The following OTULIN variants were observed in gnomAD, a reference collection of about 807,000 sequenced individuals.
OTULIN encodes OTU deubiquitinase with linear linkage specificity.
A neutral mutation model predicts 39.6 loss-of-function variants in OTULIN; 15 were observed. The observed-to-expected ratio is 0.38, with a 90% confidence interval of 0.25 to 0.58. OTULIN has a LOEUF of 0.58. OTULIN is among the 20% of genes least tolerant of loss of function. The pLI, the probability that OTULIN is intolerant of heterozygous loss-of-function variation, is 0.66. For synonymous variants in OTULIN, 156 were observed against 170.3 expected (o/e 0.92, Z 0.65); for missense variants, 319 against 445.9 (o/e 0.72, Z 2.56).
In OTULIN at chr5:14,697,956, G is replaced by A. The variant is rs935412599; in HGVS notation, c.*4908G>A. 2 of 152,150 alleles carry A rather than the reference G, an allele frequency of 1.3e-5. No homozygotes were observed. The highest frequency in any genetic ancestry group is 4.8e-5 in the African/African-American group (2 of 41,426). The allele number at this position is 152,150 out of a possible 1,614,324, so 9.4% of individuals were successfully genotyped here. On this transcript the variant is annotated 3_prime_UTR_variant, in exon 7 of 7. Transcript: ENST00000284274. Reference sequence around the variant, plus strand: ...AGTTTTCATTTACATATTGAAAAATGCCTTGACTGTATTCACATAAATGGT... The same window carrying A: ...AGTTTTCATTTACATATTGAAAAATACCTTGACTGTATTCACATAAATGGT...
chr5:14,703,317 A>G (rs1375980677), downstream of OTULIN, among the ~76,000 whole-genome samples: 5 of 119,656 alleles, frequency 4.2e-5, no homozygotes, highest in African/African-American at 1.7e-4. Context: ...ATTACCTTTA[A>G]TAGTGTCAAA....
chr5:14,682,699 G>A (rs1165486058), intron 4 of OTULIN, among the ~76,000 whole-genome samples: 1 of 152,090 alleles, frequency 6.6e-6, no homozygotes, highest in Non-Finnish European at 1.5e-5. Flanking sequence ...TGATCACAAA[G>A]CCCTAGCTGC....
At chr5:14,667,654 C>T (rs1299179766) in intron 1 of OTULIN, among the ~76,000 whole-genome samples, 3 of 152,328 alleles carry the variant, frequency 2.0e-5, no homozygotes, top group South Asian at 2.1e-4. Flanking sequence ...GGATTACAGG[C>T]GTGAGCCACA....
At chr5:14,689,725 T>C (rs1023100786) in intron 5 of OTULIN, among the ~76,000 whole-genome samples, 1 of 152,204 alleles carries the variant, frequency 6.6e-6, no homozygotes, top group Non-Finnish European at 1.5e-5. Flanking sequence ...ACACATGTGT[T>C]AGCTCTTCCA....
At chr5:14,713,397 T>A in the OTULIN span, 1 of 1,212,860 alleles carries the variant, frequency 8.2e-7, no homozygotes, top group Non-Finnish European at 1.2e-6. The surrounding 1 kb of genome is among the most constrained non-coding windows in gnomAD (Gnocchi z 4.4). Context: ...CTCCACCTGG[T>A]GCCTGGGCAG....
chr5:14,713,531 C>G, the OTULIN span: 1 of 1,614,020 alleles, frequency 6.2e-7, no homozygotes, highest in East Asian at 2.2e-5. The surrounding 1 kb of genome is among the most constrained non-coding windows in gnomAD (Gnocchi z 4.4). Context: ...CCCCAAACTC[C>G]CTGACAACAT....
intron 4 of OTULIN, among the ~76,000 whole-genome samples, chr5:14,682,754 CA>C (rs1736287414): frequency 6.6e-6 from 1 of 151,902 alleles, no homozygotes; most frequent in African/African-American, 2.4e-5. Flanking sequence ...TGATATTAAG[CA>C]AAAAGACCAA....
chr5:14,702,471 G>A (rs1736815966), downstream of OTULIN, among the ~76,000 whole-genome samples: 1 of 152,204 alleles, frequency 6.6e-6, no homozygotes, highest in East Asian at 1.9e-4. Flanking sequence ...CAGCGAAGGT[G>A]GAATTGGGCC....
chr5:14,689,532 G>A (rs1233569523), intron 5 of OTULIN, among the ~76,000 whole-genome samples: 2 of 152,112 alleles, frequency 1.3e-5, no homozygotes, highest in African/African-American at 2.4e-5. Context: ...TTATTCATTT[G>A]AAGTTCATAT....
In OTULIN at chr5:14,687,217, G is replaced by A. The variant is rs148750735; in HGVS notation, c.469-304G>A. On this transcript the variant is annotated intron_variant, in intron 4 of 6. Coordinates refer to ENST00000284274, the MANE Select transcript of OTULIN (RefSeq NM_138348.6). ...GCCTGAAGGTGGTTGGTGTGAGGAC[G>A]TGCTGTGGGCATGGCCTGCTGTGGA... 6.2e-3 allele frequency among the ~76,000 whole-genome samples: 942 copies of A among 152,268 alleles called. 3 individuals are homozygous for A. The highest frequency in any genetic ancestry group is 0.022 in the African/African-American group (909 of 41,558).
At position 14,690,590 on chromosome 5, in the gene OTULIN, T is replaced by C. The variant is rs1736500241; in HGVS notation, c.864+282T>C. ...GTAGGAGGGTTCAGTTCTTCACACA[T>C]AGGCCTCCACAGGGCTGCTTGAGTG... On this transcript the variant is annotated intron_variant, in intron 6 of 6. Coordinates refer to ENST00000284274, the MANE Select transcript of OTULIN (RefSeq NM_138348.6). The surrounding 1 kb of genome is among the most constrained non-coding windows in gnomAD (Gnocchi z 4.5). Among the ~76,000 whole-genome samples, 1 of 152,168 alleles carries C rather than the reference T, an allele frequency of 6.6e-6. No homozygotes were observed. Among genetic ancestry groups the C allele is most frequent in the South Asian group, 2.1e-4 (1 of 4,830 alleles).
At chr5:14,665,298 C>A (rs752151855) in intron 1 of OTULIN, among the ~76,000 whole-genome samples, 1 of 152,140 alleles carries the variant, frequency 6.6e-6, no homozygotes, top group Non-Finnish European at 1.5e-5. Context: ...TACTGGTTCC[C>A]GCTAGATCTT....
intron 3 of OTULIN, among the ~76,000 whole-genome samples, chr5:14,680,534 G>A (rs1736219621): frequency 6.6e-6 from 1 of 152,202 alleles, no homozygotes; most frequent in Admixed American, 6.5e-5. Flanking sequence ...CCCAGGGTCA[G>A]GGAGATGGTG....
chr5:14,681,387 T>C, intron 3 of OTULIN, 77 bp from the exon 4 acceptor site: 1 of 1,512,168 alleles, frequency 6.6e-7, no homozygotes, highest in Non-Finnish European at 8.9e-7. Flanking sequence ...GGCCAAGCTT[T>C]TTCCACAGGA....
At chr5:14,672,791 C>G (rs1001958181) in intron 1 of OTULIN, among the ~76,000 whole-genome samples, 2 of 152,182 alleles carry the variant, frequency 1.3e-5, no homozygotes, top group East Asian at 3.9e-4. Flanking sequence ...GTGTCATTTA[C>G]CACTCCATCT....
At chr5:14,713,393 C>T in the OTULIN span, 1 of 1,181,582 alleles carries the variant, frequency 8.5e-7, no homozygotes, top group South Asian at 1.3e-5. This position sits in a 1 kb window ranked among gnomAD's most constrained non-coding sequence, Gnocchi z 4.4. Context: ...GAGCCTCCAC[C>T]TGGTGCCTGG....
At chr5:14,713,161 G>A in the OTULIN span, among the ~76,000 whole-genome samples, 1 of 152,156 alleles carries the variant, frequency 6.6e-6, no homozygotes, top group African/African-American at 2.4e-5. This position sits in a 1 kb window ranked among gnomAD's most constrained non-coding sequence, Gnocchi z 4.4. Context: ...ACTCGGGGCT[G>A]GGCCACCTCC....
chr5:14,702,692 TCTC>T (rs1022451636), downstream of OTULIN, among the ~76,000 whole-genome samples: 1 of 152,074 alleles, frequency 6.6e-6, no homozygotes, highest in African/African-American at 2.4e-5. Context: ...TACAGGCCGC[TCTC>T]CTCAGCCATT....
chr5:14,683,855 T>C (rs186992058), intron 4 of OTULIN, among the ~76,000 whole-genome samples: 1 of 152,314 alleles, frequency 6.6e-6, no homozygotes, highest in Admixed American at 6.5e-5. Context: ...TTAAAAAAGT[T>C]AAGTACAATG....
Sources: allele counts gnomAD v4.1 joint callset (sites outside exome capture counted in the v4.1 genomes callset), GRCh38; gene constraint gnomAD v4.1.1; non-coding constraint Gnocchi (gnomAD v3.1); transcripts MANE v1.5; gene names NCBI Gene and HGNC (gene_info 2026-07-23, HGNC 2026-07-21).